The following MYOM1 variants were observed in gnomAD, a reference collection of about 807,000 sequenced individuals.
The protein encoded by MYOM1 is myomesin 1.
Under a neutral mutation model 205.3 loss-of-function variants are expected in MYOM1, and 164 were observed. The ratio of observed to expected loss-of-function variants is 0.80; its 90% CI spans 0.70 to 0.91. MYOM1 has a LOEUF of 0.91. MYOM1 is among the 40% of genes least tolerant of loss of function. The probability of loss-of-function intolerance (pLI) is 0.00; values close to 1 mark genes in which losing one functional copy is unlikely to be tolerated. For synonymous variants in MYOM1, 772 were observed against 789.4 expected, an observed-to-expected ratio of 0.98 and a Z score of 0.37; for missense variants, 2,011 against 2,127.3, an observed-to-expected ratio of 0.95 and a Z score of 1.08.
chr18:3,084,961 A>G, intron 31 of MYOM1, 84 bp downstream of exon 31: 1 of 1,037,192 alleles, frequency 9.6e-7, no homozygotes, highest in Non-Finnish European at 1.4e-6. Context: ...GCATGATTTC[A>G]ATCGTCAGCT....
In MYOM1 at chr18:3,129,224, A is replaced by G; in HGVS notation, c.2794+8T>C. Reference sequence around the variant, plus strand: ...CGGATGGAACAGCTTCCCTTTCTCAACTCTCACCTCTGTCTGTCTTCTTTT... The same window carrying G: ...CGGATGGAACAGCTTCCCTTTCTCAGCTCTCACCTCTGTCTGTCTTCTTTT... On this transcript the variant is annotated splice_region_variant and intron_variant, in intron 18 of 37. Coordinates refer to ENST00000356443, the MANE Select transcript of MYOM1 (RefSeq NM_003803.4). 1 of 1,610,918 alleles carries G rather than the reference A, an allele frequency of 6.2e-7. No individual in the cohort carries two copies. Among genetic ancestry groups the G allele is most frequent in the Non-Finnish European group, 8.5e-7 (1 of 1,178,664 alleles).
chr18:3,202,590 A>G (rs2081081904), intron 2 of MYOM1, among the ~76,000 whole-genome samples: 1 of 152,192 alleles, frequency 6.6e-6, no homozygotes, highest in Non-Finnish European at 1.5e-5. Flanking sequence ...CATATGATAA[A>G]ATGGTCAATT....
rs140385719 is a variant in MYOM1, at chr18:3,123,299, AT to A, written c.2992-3305del. Among the ~76,000 whole-genome samples the A allele has an allele frequency of 3.1e-3, 465 of 152,366 alleles. 3 individuals are homozygous for A. Among genetic ancestry groups the A allele is most frequent in the Non-Finnish European group, 3.9e-3 (264 of 68,040 alleles). The stretch of plus-strand genomic sequence containing the variant: ...AGGTAACATTCAAATTATTTAAAAA[AT>A]TTAACAAAAGACTACATATAATAAT... On this transcript the variant is annotated intron_variant, in intron 19 of 37. Coordinates refer to ENST00000356443, the MANE Select transcript of MYOM1 (RefSeq NM_003803.4).
chr18:3,208,444 G>A (rs1172712441), intron 2 of MYOM1, among the ~76,000 whole-genome samples: 3 of 152,176 alleles, frequency 2.0e-5, no homozygotes, highest in Non-Finnish European at 4.4e-5. Flanking sequence ...ATCTGCCTGA[G>A]CCCAGGAGGT....
intron 26 of MYOM1, 125 bp downstream of exon 26, chr18:3,094,045 A>G: frequency 5.6e-6 from 5 of 894,416 alleles, no homozygotes; most frequent in South Asian, 4.3e-5. Context: ...CACTTGTGAG[A>G]AGGATTTAAA....
intron 2 of MYOM1, among the ~76,000 whole-genome samples, chr18:3,204,816 A>C (rs775981433): frequency 4.6e-5 from 7 of 152,060 alleles, no homozygotes; most frequent in Non-Finnish European, 1.0e-4. Context: ...CCAGTTTCAA[A>C]CTTTTTATAA....
intron 17 of MYOM1, among the ~76,000 whole-genome samples, chr18:3,131,118 T>C (rs1232490641): frequency 6.6e-6 from 1 of 152,144 alleles, no homozygotes; most frequent in African/African-American, 2.4e-5. Flanking sequence ...TTTCACACAA[T>C]GTGAAATATC....
chr18:3,167,746 T>C (rs2080494069), intron 9 of MYOM1, among the ~76,000 whole-genome samples: 1 of 152,240 alleles, frequency 6.6e-6, no homozygotes, highest in African/African-American at 2.4e-5. Flanking sequence ...TCAACTTGTT[T>C]TGATAGCTTC....
intron 10 of MYOM1, among the ~76,000 whole-genome samples, chr18:3,156,795 G>C (rs1014680046): frequency 6.6e-6 from 1 of 152,064 alleles, no homozygotes; most frequent in African/African-American, 2.4e-5. Context: ...ATTTTTAGTA[G>C]AGATGGGGAT....
At chr18:3,118,253 C>A (rs1220374649) in intron 20 of MYOM1, among the ~76,000 whole-genome samples, 1 of 152,198 alleles carries the variant, frequency 6.6e-6, no homozygotes, top group African/African-American at 2.4e-5. Context: ...AAGGATGGGA[C>A]TGAGAAGCCA....
rs746487171 is a variant in MYOM1 at position 3,129,523 on chromosome 18, C to T, written c.2507-4G>A. ...ACATCTGGAGACACTCCTCCCCCTA[C>T]AGTTGCCAGACAACAACAGAAACGC... is the stretch of plus-strand genomic sequence containing the variant. On this transcript the variant is annotated splice_region_variant and splice_polypyrimidine_tract_variant and intron_variant, in intron 17 of 37. Transcript: ENST00000356443. 1 of 1,603,566 alleles carries T rather than the reference C, an allele frequency of 6.2e-7. No individual in the cohort carries two copies. Among genetic ancestry groups the T allele is most frequent in the East Asian group, 2.2e-5 (1 of 44,760 alleles).
At chr18:3,242,259 T>C in the MYOM1 span, among the ~76,000 whole-genome samples, 4 of 152,112 alleles carry the variant, frequency 2.6e-5, no homozygotes, top group Admixed American at 2.6e-4. Flanking sequence ...TTCCCACGTG[T>C]TGTGGGACGG....
At chr18:3,157,748 C>T (rs1014375642) in intron 10 of MYOM1, among the ~76,000 whole-genome samples, 5 of 149,994 alleles carry the variant, frequency 3.3e-5, no homozygotes, top group African/African-American at 7.3e-5. Flanking sequence ...CAAGAAGCTA[C>T]GATATAGTGT....
the MYOM1 span, among the ~76,000 whole-genome samples, chr18:3,240,129 T>C: frequency 6.6e-6 from 1 of 152,234 alleles, no homozygotes; most frequent in East Asian, 1.9e-4. Flanking sequence ...ATTTGTGTCA[T>C]AAGATTAATT....
chr18:3,097,569 G>A (rs1476583519), intron 25 of MYOM1, among the ~76,000 whole-genome samples: 1 of 151,660 alleles, frequency 6.6e-6, no homozygotes, highest in Non-Finnish European at 1.5e-5. Flanking sequence ...GGCCACACCT[G>A]GCTAATTTTT....
chr18:3,194,717 G>GA (rs1212640359), intron 2 of MYOM1, among the ~76,000 whole-genome samples: 1 of 152,058 alleles, frequency 6.6e-6, no homozygotes, highest in Non-Finnish European at 1.5e-5. Context: ...TGAATGAAAT[G>GA]AAATGCATTT....
intron 2 of MYOM1, 105 bp downstream of exon 2, chr18:3,214,829 A>C: frequency 7.3e-7 from 1 of 1,363,518 alleles, no homozygotes; most frequent in East Asian, 2.5e-5. Context: ...TCTGTCTCAA[A>C]AAACCAAAAC....
Position 3,124,118 on chromosome 18 carries a change from C to T in MYOM1, c.2991+2583G>A, listed in dbSNP as rs547593728. Among the ~76,000 whole-genome samples, 6 of 150,796 alleles carry T rather than the reference C, an allele frequency of 4.0e-5. 1 individual carries two copies. Among genetic ancestry groups the T allele is most frequent in the Admixed American group, 2.0e-4 (3 of 15,178 alleles). On this transcript the variant is annotated intron_variant, in intron 19 of 37. Transcript: ENST00000356443. ...TCCCAAAGTGCTGAGACTACAGGTG[C>T]GAGCCACCATGCCCGGCCTATAAAG...
At chr18:3,188,633 GGA>G (rs1491447270) in intron 4 of MYOM1, 113 bp downstream of exon 4, 5 of 1,044,846 alleles carry the variant, frequency 4.8e-6, no homozygotes, top group African/African-American at 2.5e-5. Flanking sequence ...CATCTCAAAA[GGA>G]AAAAAAAAAA....
Sources: allele counts gnomAD v4.1 joint callset (sites outside exome capture counted in the v4.1 genomes callset), GRCh38; gene constraint gnomAD v4.1.1; transcripts MANE v1.5; gene names NCBI Gene and HGNC (gene_info 2026-07-23, HGNC 2026-07-21).